RFX3: variants seen among roughly 807,000 people sequenced by gnomAD.
RFX3 encodes transcription factor RFX3.
In RFX3, 14 loss-of-function variants were observed where a neutral mutation model predicts 98.6. The ratio of observed to expected loss-of-function variants is 0.14; its 90% CI spans 0.09 to 0.22. The LOEUF (loss-of-function observed/expected upper bound fraction) is 0.22, where lower values mean the gene tolerates loss of function less well. Among genes scored for constraint, RFX3 ranks in the 10% least tolerant of loss-of-function variants. The pLI, the probability that RFX3 is intolerant of heterozygous loss-of-function variation, is 1.00. For missense variants in RFX3, 639 were observed against 926.9 expected (o/e 0.69, Z 4.03); for synonymous variants, 383 against 328.4 (o/e 1.17, Z -1.80).
intron 1 of RFX3, chr9:3,420,786 A>G: frequency 1.0e-6 from 1 of 984,836 alleles, no homozygotes; most frequent in African/African-American, 1.7e-5. Flanking sequence ...TTACTTCCTT[A>G]CCTCCATTCA....
intron 1 of RFX3, among the ~76,000 whole-genome samples, chr9:3,457,139 CAAAAAAAAA>C (rs1169959832): frequency 8.8e-5 from 2 of 22,806 alleles, no homozygotes; most frequent in South Asian, 2.7e-3. Flanking sequence ...GACTCCATCT[CAAAAAAAAA>C]AAAAAAAAAA....
At chr9:3,267,140 C>G (rs1003179878) in intron 11 of RFX3, among the ~76,000 whole-genome samples, 24 of 151,934 alleles carry the variant, frequency 1.6e-4, no homozygotes, top group African/African-American at 5.3e-4. Flanking sequence ...AGACAGAATA[C>G]TTTCCTTGTT....
rs1342458503 is a variant in RFX3 at position 3,224,375 on chromosome 9, T to C, written c.*667A>G. On this transcript the variant is annotated 3_prime_UTR_variant, in exon 17 of 17. Coordinates refer to ENST00000617270, the MANE Select transcript of RFX3 (RefSeq NM_001282116.2). ...ATGGTTTAATAATTATGTACACAAA[T>C]TATGTACATATTAGCATAATCTCTT... 1 of 152,198 alleles carries C rather than the reference T, an allele frequency of 6.6e-6. No homozygotes were observed. Among genetic ancestry groups the C allele is most frequent in the Non-Finnish European group, 1.5e-5 (1 of 68,050 alleles). 9.4% of individuals were successfully genotyped at this position (152,198 alleles called of 1,614,324 possible). A position where few individuals can be genotyped will look rare whatever the true frequency, so the allele number is the denominator to read the frequency against.
intron 13 of RFX3, among the ~76,000 whole-genome samples, chr9:3,259,577 C>G (rs1034736105): frequency 2.0e-5 from 3 of 150,324 alleles, no homozygotes; most frequent in African/African-American, 7.3e-5. Flanking sequence ...AATACAGAAA[C>G]ACAACTATAT....
At chr9:3,373,871 G>A (rs941562931) in intron 2 of RFX3, among the ~76,000 whole-genome samples, 1 of 152,186 alleles carries the variant, frequency 6.6e-6, no homozygotes, top group Non-Finnish European at 1.5e-5. Flanking sequence ...GAAGTCAGGA[G>A]ATCAAGACCA....
intron 6 of RFX3, among the ~76,000 whole-genome samples, chr9:3,290,861 C>T (rs1425738850): frequency 1.3e-5 from 2 of 152,048 alleles, no homozygotes; most frequent in Admixed American, 6.6e-5. Flanking sequence ...ACTATGGCAC[C>T]TTGGCATTTG....
chr9:3,301,342 C>G (rs561346723), intron 5 of RFX3, among the ~76,000 whole-genome samples: 1 of 151,658 alleles, frequency 6.6e-6, no homozygotes, highest in East Asian at 1.9e-4. Context: ...AGTACAGAAA[C>G]CTAATAAATT....
intron 15 of RFX3, among the ~76,000 whole-genome samples, chr9:3,232,404 C>T (rs929019717): frequency 6.6e-5 from 10 of 152,110 alleles, no homozygotes; most frequent in African/African-American, 2.2e-4. Flanking sequence ...TCTCAGTCAC[C>T]GCATCATGCT....
chr9:3,354,983 G>C (rs1835580662), intron 2 of RFX3, among the ~76,000 whole-genome samples: 2 of 151,870 alleles, frequency 1.3e-5, no homozygotes, highest in East Asian at 3.9e-4. Flanking sequence ...GGACAGAAGA[G>C]GGAATTGAAA....
At chr9:3,383,995 T>G (rs1839454974) in intron 2 of RFX3, among the ~76,000 whole-genome samples, 1 of 152,108 alleles carries the variant, frequency 6.6e-6, no homozygotes, top group African/African-American at 2.4e-5. Flanking sequence ...TCTGATATAG[T>G]GGTTCAGTTT....
chr9:3,469,033 A>C (rs1231445876), intron 1 of RFX3: 2 of 339,034 alleles, frequency 5.9e-6, no homozygotes, highest in Non-Finnish European at 5.9e-6. Flanking sequence ...CAAAATTTAG[A>C]AAAATGCAAA....
At position 3,372,787 on chromosome 9, in the gene RFX3, T is replaced by C. The variant is rs181871061; in HGVS notation, c.117+22685A>G. Among the ~76,000 whole-genome samples, 4 of 152,202 alleles carry C rather than the reference T, an allele frequency of 2.6e-5. No homozygotes were observed. The East Asian group carries it at 7.7e-4, about 29-fold the overall frequency. ...TTTTAGTAGAGATAGGGTTTTACCATGTTGGCCAGGCTGGTCTTGAACTCC... is the reference window on the plus strand; with the variant it reads ...TTTTAGTAGAGATAGGGTTTTACCACGTTGGCCAGGCTGGTCTTGAACTCC... On this transcript the variant is annotated intron_variant, in intron 2 of 16. Transcript: ENST00000617270.
rs183179805 is a variant in RFX3 at position 3,252,437 on chromosome 9, G to T, written c.1815-4252C>A. On this transcript the variant is annotated intron_variant, in intron 14 of 16. Transcript: ENST00000617270. ...GATGAGGGCAGGCATTTTAAGTTGG[G>T]GTATCTAGAAAATTCTTTCTGAGGA... is the stretch of plus-strand genomic sequence containing the variant. 4.5e-4 allele frequency among the ~76,000 whole-genome samples: 68 copies of T among 152,178 alleles called. No individual in the cohort carries two copies. The East Asian group carries it at 9.8e-3, about 22-fold the overall frequency.
chr9:3,328,657 A>G (rs1832209707), intron 4 of RFX3, among the ~76,000 whole-genome samples: 1 of 151,594 alleles, frequency 6.6e-6, no homozygotes, highest in African/African-American at 2.4e-5. Flanking sequence ...ATAGCGAATT[A>G]AAATAAAGAG....
At chr9:3,290,569 G>C (rs2991292) in intron 6 of RFX3, among the ~76,000 whole-genome samples, 1 of 152,016 alleles carries the variant, frequency 6.6e-6, no homozygotes, top group East Asian at 1.9e-4. Flanking sequence ...GATTTTTGTG[G>C]TTTTGAAAAA....
chr9:3,297,141 G>A (rs1404726275), intron 5 of RFX3, among the ~76,000 whole-genome samples: 2 of 151,876 alleles, frequency 1.3e-5, no homozygotes, highest in Non-Finnish European at 2.9e-5. Context: ...CGTTTTCTTG[G>A]GTTTTGTCTT....
chr9:3,494,687 A>G (rs1471514594), intron 1 of RFX3, among the ~76,000 whole-genome samples: 1 of 152,200 alleles, frequency 6.6e-6, no homozygotes, highest in Non-Finnish European at 1.5e-5. Flanking sequence ...TTTAAATTAT[A>G]AAATAATCTA....
At chr9:3,424,464 C>T (rs926871650) in intron 1 of RFX3, among the ~76,000 whole-genome samples, 14 of 146,818 alleles carry the variant, frequency 9.5e-5, no homozygotes, top group Admixed American at 1.4e-4. Flanking sequence ...CGGGTTCACG[C>T]CATTCTCCTG....
chr9:3,347,747 A>C (rs1027529922), intron 2 of RFX3, among the ~76,000 whole-genome samples: 14 of 152,030 alleles, frequency 9.2e-5, no homozygotes, highest in Non-Finnish European at 1.8e-4. Context: ...AATCACTTGA[A>C]TCCAGGAGGC....
Sources: gnomAD v4.1 joint callset for allele counts (sites outside exome capture counted in the v4.1 genomes callset) on GRCh38, gnomAD v4.1.1 for gene constraint, MANE v1.5 for transcripts, NCBI Gene and HGNC (gene_info 2026-07-23, HGNC 2026-07-21) for gene names.